RPL13A: variants seen among roughly 807,000 people sequenced by gnomAD.
RPL13A encodes ribosomal protein L13a.
In RPL13A, 4 loss-of-function variants were observed where a neutral mutation model predicts 30.8. The observed-to-expected ratio is 0.13, with a 90% CI of 0.06 to 0.30. The LOEUF (loss-of-function observed/expected upper bound fraction) is 0.30, where lower values mean the gene tolerates loss of function less well. Among genes scored for constraint, RPL13A ranks in the 10% least tolerant of loss-of-function variants. The pLI is 1.00. For missense variants in RPL13A, 196 were observed against 272.6 expected (o/e 0.72, Z 1.98); for synonymous variants, 108 against 104.2 (o/e 1.04, Z -0.22).
At chr19:49,487,678 G>A (rs781338335) in intron 1 of RPL13A, 34 bp downstream of exon 1, 14 of 1,508,712 alleles carry the variant, frequency 9.3e-6, no homozygotes, top group Admixed American at 4.8e-5. Flanking sequence ...GCGGCAAGGG[G>A]CCGGGTGGGA....
chr19:49,490,161 G>A, intron 2 of RPL13A, 71 bp from the exon 3 acceptor site: 1 of 1,417,918 alleles, frequency 7.1e-7, no homozygotes, highest in Non-Finnish European at 1.0e-6. Flanking sequence ...GCTGTGTCTG[G>A]AGGGTGACTG....
intron 6 of RPL13A, 162 bp from the exon 7 acceptor site, chr19:49,491,263 T>TTGGGTGGGTGCTTTTC (rs1350212562): frequency 8.6e-7 from 1 of 1,168,592 alleles, no homozygotes; most frequent in Non-Finnish European, 1.3e-6. Flanking sequence ...GCCAGGAGGC[T>TTGGGTGGGTGCTTTTC]TGGGTGGGTG....
At chr19:49,490,889 C>T (rs780856361) in intron 5 of RPL13A, 25 bp downstream of exon 5, 3 of 1,612,150 alleles carry the variant, frequency 1.9e-6, no homozygotes, top group Middle Eastern at 3.3e-4. Flanking sequence ...ACCCCACAGG[C>T]AGCGGCCTTA....
intron 6 of RPL13A, 127 bp downstream of exon 6, chr19:49,491,226 G>A: frequency 7.8e-7 from 1 of 1,284,738 alleles, no homozygotes; most frequent in Non-Finnish European, 1.1e-6. Context: ...CTGTGGGAAT[G>A]GCGACAATGC....
At chr19:49,491,372 G>T in intron 6 of RPL13A, 53 bp from the exon 7 acceptor site, 1 of 1,453,274 alleles carries the variant, frequency 6.9e-7, no homozygotes, top group South Asian at 1.2e-5. Flanking sequence ...GGGTGTGGGG[G>T]CTTAGATATC....
At chr19:49,488,490 A>G (rs545606620) in intron 1 of RPL13A, among the ~76,000 whole-genome samples, 17 of 152,294 alleles carry the variant, frequency 1.1e-4, no homozygotes, top group Middle Eastern at 6.8e-3. Flanking sequence ...ACAGTTCGCA[A>G]TGTTTTGCGT....
Position 49,490,310 on chromosome 19 carries a change from C to CT in RPL13A, c.154+14dup. 1 of 1,613,544 alleles carries CT rather than the reference C, an allele frequency of 6.2e-7. No individual in the cohort carries two copies. The highest frequency in any genetic ancestry group is 8.5e-7 in the Non-Finnish European group (1 of 1,179,482). ...TACAGAAACAAGTGTAAGTTAGGAC[C>CT]TGGGAGGAGCACTGGAGAGGGTCTC... On this transcript the variant is annotated intron_variant, in intron 3 of 7. Coordinates refer to ENST00000391857, the MANE Select transcript of RPL13A (RefSeq NM_012423.4).
chr19:49,488,981 C>T (rs2079837218), intron 1 of RPL13A, among the ~76,000 whole-genome samples: 2 of 152,210 alleles, frequency 1.3e-5, no homozygotes, highest in African/African-American at 4.8e-5. Context: ...GCTGGGATTA[C>T]AGGCGTGAGC....
At position 49,491,118 on chromosome 19, in the gene RPL13A, T is replaced by C. The variant is rs76385930; in HGVS notation, c.402+19T>C. On this transcript the variant is annotated intron_variant, in intron 6 of 7. Coordinates refer to ENST00000391857, the MANE Select transcript of RPL13A (RefSeq NM_012423.4). The stretch of plus-strand genomic sequence containing the variant: ...AAGAAAGGTGAGTCCCAGCTTACGC[T>C]GCACCATCTACTTGGGAGATTTCAG... The C allele has an allele frequency of 2.2e-3, 3,617 of 1,613,936 alleles. 67 individuals carry two copies. In the African/African-American group the frequency reaches 0.042, roughly 19 times the overall value.
intron 2 of RPL13A, 71 bp downstream of exon 2, chr19:49,489,993 C>CT: frequency 7.8e-7 from 1 of 1,283,574 alleles, no homozygotes; most frequent in South Asian, 1.2e-5. Context: ...CATTCACCAT[C>CT]TTTCGTTTGA....
chr19:49,490,372 C>T (rs987113970), intron 3 of RPL13A, 75 bp downstream of exon 3: 135 of 1,589,156 alleles, frequency 8.5e-5, no homozygotes, highest in Admixed American at 3.3e-4. Context: ...CAATTGCAGC[C>T]GTGTTGGGAG....
chr19:49,487,698 G>A, intron 1 of RPL13A, 54 bp downstream of exon 1: 1 of 1,471,644 alleles, frequency 6.8e-7, no homozygotes, highest in Non-Finnish European at 9.0e-7. Context: ...ATCCAGGCCG[G>A]AATGGGGTCG....
chr19:49,491,742 A>T lies in RPL13A; in HGVS notation c.539A>T (p.Gln180Leu). 3 of 1,613,468 alleles carry T rather than the reference A, an allele frequency of 1.9e-6. No individual in the cohort carries two copies. The highest frequency in any genetic ancestry group is 2.5e-6 in the Non-Finnish European group (3 of 1,179,778). ...KKKQLMRLRK[Q>L]AEKNVEKKID... Reference sequence around the variant, plus strand: ...TATTCTTGGCAGAGGCTACGGAAACAGGCCGAGAAGAACGTGGAGAAGAAA... The same window carrying T: ...TATTCTTGGCAGAGGCTACGGAAACTGGCCGAGAAGAACGTGGAGAAGAAA... The change falls in exon 8 of 8, where the codon CAG becomes CTG. Residue 180 changes from glutamine (Q) to leucine (L), a missense_variant. Transcript: ENST00000391857.
intron 6 of RPL13A, 75 bp from the exon 7 acceptor site, chr19:49,491,334 CCCAGCTCTCAACAGCT>C (rs2079866238): frequency 7.6e-7 from 1 of 1,307,722 alleles, no homozygotes; most frequent in East Asian, 2.3e-5. Flanking sequence ...TCAGTCACCT[CCCAGCTCTCAACAGCT>C]CCGGCTCTTC....
At chr19:49,488,268 G>C (rs773729434) in intron 1 of RPL13A, among the ~76,000 whole-genome samples, 2 of 152,148 alleles carry the variant, frequency 1.3e-5, no homozygotes, top group African/African-American at 4.8e-5. Context: ...GTCGAGAGCT[G>C]TGATGAATGG....
intron 1 of RPL13A, 119 bp from the exon 2 acceptor site, chr19:49,489,731 T>C (rs937901417): frequency 2.4e-6 from 2 of 824,924 alleles, no homozygotes; most frequent in African/African-American, 3.3e-5. Context: ...TTCCCAGCTC[T>C]GATGGCTGGG....
At chr19:49,489,124 C>T (rs559565997) in intron 1 of RPL13A, among the ~76,000 whole-genome samples, 2 of 152,310 alleles carry the variant, frequency 1.3e-5, no homozygotes, top group African/African-American at 4.8e-5. Context: ...TCTCATCCCA[C>T]CTGAAATTCG....
Position 49,491,419 on chromosome 19 carries a change from C to CT in RPL13A, c.403-6_403-5insT. ...ATTTGTTCACCCCCCCCCCCCCCCC[C>CT]CGCAGTTTGCCTATCTGGGGCGCCT... is the stretch of plus-strand genomic sequence containing the variant. On this transcript the variant is annotated splice_polypyrimidine_tract_variant and splice_region_variant and intron_variant, in intron 6 of 7. Transcript: ENST00000391857. 1 of 1,181,388 alleles carries CT rather than the reference C, an allele frequency of 8.5e-7. No homozygotes were observed. The highest frequency in any genetic ancestry group is 1.1e-6 in the Non-Finnish European group (1 of 871,616). 73.2% of individuals were successfully genotyped at this position (1,181,388 alleles called of 1,614,324 possible).
chr19:49,490,942 A>T, intron 5 of RPL13A, 78 bp downstream of exon 5: 1 of 1,604,354 alleles, frequency 6.2e-7, no homozygotes, highest in Middle Eastern at 1.7e-4. Context: ...ACATTGTTTG[A>T]TCCTCATGAA....
Sources: allele counts gnomAD v4.1 joint callset (sites outside exome capture counted in the v4.1 genomes callset), GRCh38; gene constraint gnomAD v4.1.1; transcripts MANE v1.5; gene names NCBI Gene and HGNC (gene_info 2026-07-23, HGNC 2026-07-21).